Variants in CDON observed in about 807,000 individuals in gnomAD.
CDON encodes the protein cell adhesion molecule-related/down-regulated by oncogenes.
A neutral mutation model predicts 120.9 loss-of-function variants in CDON; 73 were observed. The ratio of observed to expected loss-of-function variants is 0.60; its 90% CI spans 0.50 to 0.73. CDON has a LOEUF of 0.73. CDON is among the 30% of genes least tolerant of loss of function. CDON has a pLI of 0.00. For missense variants in CDON, 1,470 were observed against 1,587.3 expected, an observed-to-expected ratio of 0.93 and a Z score of 1.26; for synonymous variants, 566 against 573.5, an observed-to-expected ratio of 0.99 and a Z score of 0.19.
At position 125,960,903 on chromosome 11, in the gene CDON, C is replaced by G. The variant is rs1171753556; in HGVS notation, c.*39G>C. ...TCCCAGGCCTGTTGTGTGCAGTTACCGGCTTGAAGTTGGAACATGACTGGT... is the reference window on the plus strand; with the variant it reads ...TCCCAGGCCTGTTGTGTGCAGTTACGGGCTTGAAGTTGGAACATGACTGGT... On this transcript the variant is annotated 3_prime_UTR_variant, in exon 20 of 20. Transcript: ENST00000531738. 1 of 1,603,322 alleles carries G rather than the reference C, an allele frequency of 6.2e-7. No homozygotes were observed. The highest frequency in any genetic ancestry group is 2.2e-5 in the East Asian group (1 of 44,816).
chr11:125,968,286 GTTTAA>G (rs1267930217), intron 18 of CDON, among the ~76,000 whole-genome samples: 2 of 152,072 alleles, frequency 1.3e-5, no homozygotes, highest in African/African-American at 2.4e-5. Flanking sequence ...GCTTCCTTCT[GTTTAA>G]TTTCTTTTTT....
intron 7 of CDON, among the ~76,000 whole-genome samples, chr11:126,013,402 A>G (rs1947362261): frequency 6.6e-6 from 1 of 152,118 alleles, no homozygotes; most frequent in South Asian, 2.1e-4. Context: ...TATCACTTCG[A>G]AGTTTGGTAG....
intron 1 of CDON, among the ~76,000 whole-genome samples, chr11:126,059,247 G>A (rs960386312): frequency 6.6e-6 from 1 of 152,224 alleles, no homozygotes; most frequent in African/African-American, 2.4e-5. Context: ...TCTGCAACGT[G>A]TATATGCTTG....
intron 1 of CDON, among the ~76,000 whole-genome samples, chr11:126,043,025 A>C (rs1948306325): frequency 6.6e-6 from 1 of 152,184 alleles, no homozygotes; most frequent in African/African-American, 2.4e-5. Flanking sequence ...GGAAAATCCT[A>C]ACTTTCGACA....
chr11:126,044,982 A>G (rs1948364461), intron 1 of CDON, among the ~76,000 whole-genome samples: 1 of 152,182 alleles, frequency 6.6e-6, no homozygotes, highest in South Asian at 2.1e-4. Context: ...CATTACATGT[A>G]CTACATAAAC....
chr11:125,957,285 T>C lies in CDON; in HGVS notation c.*3657A>G, dbSNP rs1945511581. Reference sequence around the variant, plus strand: ...CCAAGATCCTGCTCCTTCAGGGCCTTGATCTCTGCAGTCAGAACAGAGGGG... The same window carrying C: ...CCAAGATCCTGCTCCTTCAGGGCCTCGATCTCTGCAGTCAGAACAGAGGGG... On this transcript the variant is annotated 3_prime_UTR_variant, in exon 20 of 20. Transcript: ENST00000531738. The C allele has an allele frequency of 6.6e-6, 1 of 152,086 alleles. No homozygotes were observed. Among genetic ancestry groups the C allele is most frequent in the Admixed American group, 6.6e-5 (1 of 15,260 alleles). The allele number at this position is 152,086 out of a possible 1,614,324, so 9.4% of individuals were successfully genotyped here. A position where few individuals can be genotyped will look rare whatever the true frequency, so the allele number is the denominator to read the frequency against.
chr11:125,999,469 T>C (rs538642362), intron 11 of CDON, among the ~76,000 whole-genome samples: 1 of 152,212 alleles, frequency 6.6e-6, no homozygotes, highest in African/African-American at 2.4e-5. Flanking sequence ...GTCAGTTTCC[T>C]AATCTGTAAA....
intron 17 of CDON, among the ~76,000 whole-genome samples, chr11:125,979,010 C>T (rs1350480821): frequency 6.6e-6 from 1 of 152,074 alleles, no homozygotes; most frequent in Non-Finnish European, 1.5e-5. Flanking sequence ...AAGAAAAATG[C>T]CCAGATTAAC....
intron 19 of CDON, 53 bp downstream of exon 19, chr11:125,961,671 C>T (rs1479989353): frequency 1.2e-6 from 2 of 1,612,666 alleles, no homozygotes; most frequent in Non-Finnish European, 1.7e-6. Flanking sequence ...ATACACAGCT[C>T]TTAGCTAACT....
intron 1 of CDON, among the ~76,000 whole-genome samples, chr11:126,056,550 A>G (rs1260704492): frequency 6.6e-6 from 1 of 152,192 alleles, no homozygotes; most frequent in Non-Finnish European, 1.5e-5. Context: ...CAAAATCCTT[A>G]ATCAACATTT....
At chr11:126,018,229 T>C (rs892407148) in intron 5 of CDON, 101 bp downstream of exon 5, 1 of 1,277,456 alleles carries the variant, frequency 7.8e-7, no homozygotes, top group Non-Finnish European at 1.1e-6. Flanking sequence ...AGACTTTTTA[T>C]GATAAACAAA....
At chr11:125,983,843 A>G (rs1946383118) in intron 16 of CDON, 29 bp downstream of exon 16, 1 of 1,505,958 alleles carries the variant, frequency 6.6e-7, no homozygotes. Context: ...CTTTAGAAAA[A>G]GAGAAGGAGA....
At chr11:125,971,322 G>A (rs1158024122) in intron 18 of CDON, among the ~76,000 whole-genome samples, 1 of 151,988 alleles carries the variant, frequency 6.6e-6, no homozygotes, top group Admixed American at 6.6e-5. Flanking sequence ...GGTGGAGCTT[G>A]CAGTGAGCCG....
intron 1 of CDON, among the ~76,000 whole-genome samples, chr11:126,026,806 C>G (rs1369286138): frequency 6.6e-6 from 1 of 152,200 alleles, no homozygotes; most frequent in East Asian, 1.9e-4. Flanking sequence ...GGAAAGCAGT[C>G]AAGGCAAAGT....
At chr11:126,004,310 T>C in intron 9 of CDON, 1 of 541,210 alleles carries the variant, frequency 1.8e-6, no homozygotes, top group Non-Finnish European at 3.3e-6. Flanking sequence ...ATCTGACCAC[T>C]AATGTGTGGC....
At chr11:126,012,672 G>A (rs1460575111) in intron 7 of CDON, among the ~76,000 whole-genome samples, 3 of 151,416 alleles carry the variant, frequency 2.0e-5, no homozygotes, top group Admixed American at 6.6e-5. Context: ...ACCTCCCAAA[G>A]TGCTAGGATT....
At chr11:126,023,253 G>A (rs1379583302) in intron 2 of CDON, 148 bp downstream of exon 2, 14 of 766,110 alleles carry the variant, frequency 1.8e-5, no homozygotes, top group Admixed American at 1.2e-4. Context: ...TTAATTTATC[G>A]AGTTTTTAAA....
At chr11:125,963,082 C>T (rs1445615388) in intron 18 of CDON, among the ~76,000 whole-genome samples, 1 of 152,024 alleles carries the variant, frequency 6.6e-6, no homozygotes, top group Admixed American at 6.6e-5. Context: ...TCTCTGATAG[C>T]TTCTGCTTGT....
At chr11:126,016,427 T>C (rs1224553422) in intron 6 of CDON, among the ~76,000 whole-genome samples, 1 of 152,162 alleles carries the variant, frequency 6.6e-6, no homozygotes, top group Admixed American at 6.5e-5. Flanking sequence ...ATTGATTTCT[T>C]TTTGAGATGA....
Sources: allele counts gnomAD v4.1 joint callset (sites outside exome capture counted in the v4.1 genomes callset), GRCh38; gene constraint gnomAD v4.1.1; transcripts MANE v1.5; gene names NCBI Gene and HGNC (gene_info 2026-07-23, HGNC 2026-07-21).